The following SH3BP5 variants were observed in gnomAD, a reference collection of about 807,000 sequenced individuals.
SH3BP5 encodes the protein SH3 domain-binding protein 5.
SH3BP5 carries 22 observed loss-of-function variants against 43.3 expected under a neutral mutation model. The observed-to-expected ratio is 0.51, with a 90% confidence interval of 0.36 to 0.73. The LOEUF (loss-of-function observed/expected upper bound fraction) is 0.73, where lower values mean the gene tolerates loss of function less well. Among genes scored for constraint, SH3BP5 ranks in the 30% least tolerant of loss-of-function variants. The pLI is 0.00. For synonymous variants in SH3BP5, 255 were observed against 225.8 expected (o/e 1.13, Z -1.16); for missense variants, 529 against 586.9 (o/e 0.90, Z 1.02).
intron 2 of SH3BP5, among the ~76,000 whole-genome samples, chr3:15,312,244 C>T (rs1394320004): frequency 6.6e-6 from 1 of 152,142 alleles, no homozygotes; most frequent in Non-Finnish European, 1.5e-5. Context: ...TCTATTAAGC[C>T]AGACATTAAA....
intron 2 of SH3BP5, among the ~76,000 whole-genome samples, chr3:15,322,384 A>C (rs1698352450): frequency 1.3e-5 from 2 of 152,120 alleles, no homozygotes; most frequent in African/African-American, 2.4e-5. Flanking sequence ...TTTTAAAGTG[A>C]AAGGCCACTC....
At chr3:15,329,330 A>G (rs2125146327) in intron 2 of SH3BP5, among the ~76,000 whole-genome samples, 1 of 152,278 alleles carries the variant, frequency 6.6e-6, no homozygotes, top group East Asian at 1.9e-4. Flanking sequence ...TGCATTAGAA[A>G]TCTGAGATCC....
chr3:15,256,760 G>C, intron 8 of SH3BP5, 93 bp downstream of exon 8: 1 of 1,380,592 alleles, frequency 7.2e-7, no homozygotes, highest in Admixed American at 2.4e-5. Context: ...CAGCATGGGG[G>C]CCCTGAGACC....
At chr3:15,262,588 A>G (rs1391811749) in intron 4 of SH3BP5, among the ~76,000 whole-genome samples, 1 of 152,074 alleles carries the variant, frequency 6.6e-6, no homozygotes, top group Non-Finnish European at 1.5e-5. Context: ...ACCCGGAGGC[A>G]GAGGTTGCAG....
intron 2 of SH3BP5, among the ~76,000 whole-genome samples, chr3:15,325,914 G>A (rs750986119): frequency 6.6e-6 from 1 of 152,140 alleles, no homozygotes; most frequent in Non-Finnish European, 1.5e-5. Context: ...GGCTACTTGG[G>A]AGGCTGAAGC....
intron 2 of SH3BP5, among the ~76,000 whole-genome samples, chr3:15,320,856 C>G (rs1422175845): frequency 1.3e-5 from 2 of 152,154 alleles, no homozygotes; most frequent in African/African-American, 4.8e-5. Flanking sequence ...TTGAATACAG[C>G]TGGGGATACA....
Position 15,277,666 on chromosome 3 carries a change from G to A in SH3BP5, c.331-7789C>T, listed in dbSNP as rs1193384402. ...GAGCCAGGAGCATGAATGAGATGCA[G>A]AGAGGCACGGGGCAGGCAAAATTTC... On this transcript the variant is annotated intron_variant, in intron 3 of 8. Transcript: ENST00000383791. Among the ~76,000 whole-genome samples the A allele has an allele frequency of 2.6e-5, 4 of 152,176 alleles. No individual in the cohort carries two copies. In the East Asian group the frequency reaches 5.8e-4, roughly 22 times the overall value.
intron 3 of SH3BP5, among the ~76,000 whole-genome samples, chr3:15,293,269 A>G (rs140468063): frequency 6.6e-6 from 1 of 152,334 alleles, no homozygotes; most frequent in African/African-American, 2.4e-5. Flanking sequence ...GCCTGTGGCC[A>G]CCCAGGGGGA....
chr3:15,332,881 T>C (rs1698652875), upstream of SH3BP5, among the ~76,000 whole-genome samples: 2 of 152,278 alleles, frequency 1.3e-5, no homozygotes, highest in South Asian at 4.1e-4. Flanking sequence ...GCGTGGGTGT[T>C]TTCACACTGA....
At chr3:15,311,447 C>G (rs1698055185) in intron 2 of SH3BP5, among the ~76,000 whole-genome samples, 1 of 152,076 alleles carries the variant, frequency 6.6e-6, no homozygotes, top group Admixed American at 6.5e-5. Flanking sequence ...GTAATCCCAG[C>G]TACTCGGGAG....
chr3:15,265,801 C>T (rs976457375), intron 4 of SH3BP5, among the ~76,000 whole-genome samples: 73 of 152,022 alleles, frequency 4.8e-4, no homozygotes, highest in African/African-American at 1.7e-3. Flanking sequence ...GAGCAGCATA[C>T]TCCGGAGATG....
At chr3:15,277,591 CCA>C (rs1220849507) in intron 3 of SH3BP5, among the ~76,000 whole-genome samples, 3 of 152,124 alleles carry the variant, frequency 2.0e-5, no homozygotes, top group African/African-American at 4.8e-5. Context: ...CTACCCCCCA[CCA>C]CACAGTCTCA....
intron 2 of SH3BP5, among the ~76,000 whole-genome samples, chr3:15,327,026 G>A (rs1156510749): frequency 2.0e-5 from 3 of 152,114 alleles, no homozygotes; most frequent in Non-Finnish European, 2.9e-5. Context: ...CAATGGTTCC[G>A]TATTCACTAA....
chr3:15,259,084 A>G (rs751056836), intron 6 of SH3BP5, 34 bp from the exon 7 acceptor site: 7 of 1,530,712 alleles, frequency 4.6e-6, no homozygotes, highest in Non-Finnish European at 6.3e-6. Flanking sequence ...AGTGAAGACT[A>G]CCCTGCTAGC....
intron 2 of SH3BP5, among the ~76,000 whole-genome samples, chr3:15,312,765 C>G (rs1382108399): frequency 6.6e-6 from 1 of 152,124 alleles, no homozygotes; most frequent in East Asian, 1.9e-4. Flanking sequence ...AGAGGGGAAT[C>G]TGCTAGAATT....
At chr3:15,263,608 T>C (rs970158691) in intron 4 of SH3BP5, among the ~76,000 whole-genome samples, 4 of 152,158 alleles carry the variant, frequency 2.6e-5, no homozygotes, top group African/African-American at 9.7e-5. Flanking sequence ...TTGTTAAGTC[T>C]GTTGAAAAAA....
intron 2 of SH3BP5, among the ~76,000 whole-genome samples, chr3:15,320,605 A>AACACAC (rs376414934): frequency 0.013 from 1,661 of 126,922 alleles, 30 homozygotes; most frequent in South Asian, 0.031. Context: ...ATCCAGCCAA[A>AACACAC]ACACACACAC....
intron 3 of SH3BP5, among the ~76,000 whole-genome samples, chr3:15,297,501 A>G (rs555831800): frequency 7.7e-4 from 117 of 152,336 alleles, no homozygotes; most frequent in African/African-American, 2.0e-3. Context: ...AATGCTTTAC[A>G]TGTACTAATT....
At chr3:15,267,664 A>G (rs895741526) in intron 4 of SH3BP5, among the ~76,000 whole-genome samples, 3 of 152,164 alleles carry the variant, frequency 2.0e-5, no homozygotes, top group African/African-American at 7.2e-5. Context: ...GCCATCTTGT[A>G]TAGCCCCACA....
Sources: allele counts gnomAD v4.1 joint callset (sites outside exome capture counted in the v4.1 genomes callset), GRCh38; gene constraint gnomAD v4.1.1; transcripts MANE v1.5; gene names NCBI Gene and HGNC (gene_info 2026-07-23, HGNC 2026-07-21).